KLHL4: variants seen among roughly 807,000 people sequenced by gnomAD.
The protein encoded by KLHL4 is kelch like family member 4.
In KLHL4, 17 loss-of-function variants were observed where a neutral mutation model predicts 45.8. The ratio of observed to expected loss-of-function variants is 0.37; its 90% CI spans 0.25 to 0.56. KLHL4 has a LOEUF of 0.56. Ranked by LOEUF, KLHL4 falls within the 20% of genes least tolerant of loss-of-function variation. The pLI is 0.79. For synonymous variants in KLHL4, 224 were observed against 189.9 expected, an observed-to-expected ratio of 1.18 and a Z score of -1.47; for missense variants, 544 against 544.9, an observed-to-expected ratio of 1.00 and a Z score of 0.02.
intron 5 of KLHL4, among the ~76,000 whole-genome samples, chrX:87,623,502 C>T (rs1922826797): frequency 9.1e-6 from 1 of 109,544 alleles, no homozygotes; most frequent in Admixed American, 9.8e-5. Flanking sequence ...CCATGTTGGC[C>T]AGGATGGTCT....
intron 1 of KLHL4, among the ~76,000 whole-genome samples, chrX:87,604,845 C>A (rs1922140993): frequency 9.0e-6 from 1 of 111,347 alleles, no homozygotes; most frequent in African/African-American, 3.3e-5. Context: ...CCTTGCCCCT[C>A]CCAATGTCAC....
Position 87,618,136 on chromosome X carries a change from C to G in KLHL4, c.924+8C>G. Reference sequence around the variant, plus strand: ...GCACACAAATACACTATGGTAAAATCAATTGCTTCAACTGAACTTGTAGTA... The same window carrying G: ...GCACACAAATACACTATGGTAAAATGAATTGCTTCAACTGAACTTGTAGTA... On this transcript the variant is annotated splice_region_variant and intron_variant, in intron 4 of 10. Coordinates refer to ENST00000373119, the MANE Select transcript of KLHL4 (RefSeq NM_019117.5). 2 of 1,146,112 alleles carry G rather than the reference C, an allele frequency of 1.7e-6. No individual in the cohort carries two copies. The highest frequency in any genetic ancestry group is 2.3e-6 in the Non-Finnish European group (2 of 851,952). The allele number at this position is 1,146,112 out of a possible 1,213,427, so 94.5% of individuals were successfully genotyped here. A position where few individuals can be genotyped will look rare whatever the true frequency, so the allele number is the denominator to read the frequency against.
intron 1 of KLHL4, among the ~76,000 whole-genome samples, chrX:87,593,201 T>G (rs1921732224): frequency 9.0e-6 from 1 of 111,124 alleles, no homozygotes; most frequent in Admixed American, 9.6e-5. Flanking sequence ...CTACTTGGAG[T>G]TCATTATACT....
chrX:87,548,961 A>G (rs1381492369), intron 1 of KLHL4, among the ~76,000 whole-genome samples: 2 of 110,242 alleles, frequency 1.8e-5, no homozygotes, highest in South Asian at 3.9e-4. Flanking sequence ...AAACTGTCCA[A>G]TCAAAAGACA....
At chrX:87,547,887 G>A (rs1031321723) in intron 1 of KLHL4, among the ~76,000 whole-genome samples, 2 of 111,080 alleles carry the variant, frequency 1.8e-5, no homozygotes, top group Admixed American at 9.6e-5. Context: ...ATTTAAAAGG[G>A]CAGATCTTAA....
chrX:87,621,200 T>G (rs2147817701), intron 4 of KLHL4, among the ~76,000 whole-genome samples: 1 of 111,854 alleles, frequency 8.9e-6, no homozygotes, highest in East Asian at 2.8e-4. Flanking sequence ...GAGACTAGCT[T>G]AAACTGTTCC....
chrX:87,611,731 T>TA (rs548739290), intron 1 of KLHL4, among the ~76,000 whole-genome samples: 41 of 108,099 alleles, frequency 3.8e-4, no homozygotes, highest in African/African-American at 1.3e-3. Flanking sequence ...TCCTTCTACT[T>TA]AAAAAAAAAG....
chrX:87,528,660 G>A, intron 1 of KLHL4, among the ~76,000 whole-genome samples: 1 of 88,793 alleles, frequency 1.1e-5, no homozygotes, highest in African/African-American at 4.4e-5. Context: ...GGTTGCAGTT[G>A]AGCCAAGATT....
chrX:87,534,088 C>A (rs896678698), intron 1 of KLHL4, among the ~76,000 whole-genome samples: 3 of 111,233 alleles, frequency 2.7e-5, no homozygotes, highest in Non-Finnish European at 3.8e-5. Flanking sequence ...AAAGAAAACA[C>A]GTTTGTTAAA....
chrX:87,528,706 C>CAAAAAAAAAAAA (rs1160857135), intron 1 of KLHL4, among the ~76,000 whole-genome samples: 2 of 31,501 alleles, frequency 6.3e-5, no homozygotes, highest in Non-Finnish European at 1.1e-4. Flanking sequence ...CAAAGCGAGA[C>CAAAAAAAAAAAA]AAAAAAAAAA....
intron 1 of KLHL4, among the ~76,000 whole-genome samples, chrX:87,602,645 C>A (rs757235678): frequency 1.5e-4 from 17 of 111,391 alleles, no homozygotes; most frequent in Non-Finnish European, 3.2e-4. Context: ...TAAATACATT[C>A]TATGATGTTT....
chrX:87,585,414 T>C (rs1307187869), intron 1 of KLHL4, among the ~76,000 whole-genome samples: 1 of 111,788 alleles, frequency 8.9e-6, no homozygotes, highest in Admixed American at 9.5e-5. Context: ...TAAGTACAAC[T>C]TTTCAAGACA....
intron 1 of KLHL4, among the ~76,000 whole-genome samples, chrX:87,527,114 T>C (rs745470850): frequency 8.9e-6 from 1 of 112,126 alleles, no homozygotes; most frequent in South Asian, 3.7e-4. Flanking sequence ...AATTTTTAGT[T>C]AATGAGATTT....
intron 6 of KLHL4, among the ~76,000 whole-genome samples, chrX:87,626,352 T>A (rs1320470347): frequency 8.9e-6 from 1 of 111,739 alleles, no homozygotes; most frequent in Non-Finnish European, 1.9e-5. Context: ...AGCTTTTCAC[T>A]GAATACACAA....
chrX:87,589,555 C>A (rs1022636568), intron 1 of KLHL4, among the ~76,000 whole-genome samples: 2 of 111,656 alleles, frequency 1.8e-5, no homozygotes, highest in African/African-American at 6.5e-5. Flanking sequence ...ATAAGCCAGG[C>A]ACAGAAACAC....
intron 9 of KLHL4, among the ~76,000 whole-genome samples, chrX:87,643,520 A>C (rs996958444): frequency 1.8e-5 from 2 of 111,880 alleles, no homozygotes; most frequent in African/African-American, 6.5e-5. Context: ...ACTATTCCAC[A>C]AGACAGAAAA....
rs139508737 is a variant in KLHL4 at position 87,624,919 on chromosome X, C to T, written c.1138-691C>T. Among the ~76,000 whole-genome samples, 577 of 112,146 alleles carry T rather than the reference C, an allele frequency of 5.1e-3. 4 individuals are homozygous for T. Among genetic ancestry groups the T allele is most frequent in the African/African-American group, 0.018 (549 of 30,913 alleles). ...AGAAGTGATCAGATGATACAGATAC[C>T]ATCCACCATGTCTGTTATTATTTTA... On this transcript the variant is annotated intron_variant, in intron 5 of 10. Coordinates refer to ENST00000373119, the MANE Select transcript of KLHL4 (RefSeq NM_019117.5).
chrX:87,572,667 G>A (rs771363929), intron 1 of KLHL4, among the ~76,000 whole-genome samples: 90 of 110,295 alleles, frequency 8.2e-4, no homozygotes, highest in Non-Finnish European at 1.3e-3. Context: ...TGAATTACCT[G>A]GCACTTAGCA....
chrX:87,569,060 TG>T (rs941512304), intron 1 of KLHL4, among the ~76,000 whole-genome samples: 1 of 111,183 alleles, frequency 9.0e-6, no homozygotes, highest in Non-Finnish European at 1.9e-5. Context: ...GAAAAACATG[TG>T]CAAATCATGT....
Sources: allele counts gnomAD v4.1 joint callset (sites outside exome capture counted in the v4.1 genomes callset), GRCh38; gene constraint gnomAD v4.1.1; transcripts MANE v1.5; gene names NCBI Gene and HGNC (gene_info 2026-07-23, HGNC 2026-07-21).